Variants in SYCP2L observed in about 807,000 individuals in gnomAD.
SYCP2L encodes the protein synaptonemal complex protein 2 like, also known as synaptonemal complex protein 2-like.
SYCP2L carries 98 observed loss-of-function variants against 125.8 expected under a neutral mutation model. The observed-to-expected ratio is 0.78, with a 90% CI of 0.66 to 0.92. SYCP2L has a LOEUF of 0.92. Among genes scored for constraint, SYCP2L ranks in the 40% least tolerant of loss-of-function variants. The pLI, the probability that SYCP2L is intolerant of heterozygous loss-of-function variation, is 0.00. For synonymous variants in SYCP2L, 317 were observed against 325.4 expected (o/e 0.97, Z 0.28); for missense variants, 842 against 936.4 (o/e 0.90, Z 1.32).
At chr6:10,916,715 CGT>C (rs1296498961) in intron 14 of SYCP2L, among the ~76,000 whole-genome samples, 2 of 152,126 alleles carry the variant, frequency 1.3e-5, no homozygotes, top group African/African-American at 4.8e-5. Context: ...CTAGCCGAGG[CGT>C]GGTGGCTCAC....
In SYCP2L at chr6:10,904,147, C is replaced by T. The variant is rs150841683; in HGVS notation, c.641+1184C>T. Reference sequence around the variant, plus strand: ...CTAAAGAGGAAGTGCCCCAAGGTTTCCAGTAGCTACACTAATGGGGCATGG... The same window carrying T: ...CTAAAGAGGAAGTGCCCCAAGGTTTTCAGTAGCTACACTAATGGGGCATGG... On this transcript the variant is annotated intron_variant, in intron 8 of 29. Coordinates refer to ENST00000283141, the MANE Select transcript of SYCP2L (RefSeq NM_001040274.3). Among the ~76,000 whole-genome samples, 31 of 152,310 alleles carry T rather than the reference C, an allele frequency of 2.0e-4. No individual in the cohort carries two copies. The East Asian group carries it at 6.0e-3, about 29-fold the overall frequency.
chr6:10,963,961 ATT>A (rs149829365), intron 29 of SYCP2L, 118 bp downstream of exon 29: 25,381 of 467,428 alleles, frequency 0.054, 210 homozygotes, highest in East Asian at 0.18. Flanking sequence ...GAACTTCTCC[ATT>A]TTTTTTTTTT....
chr6:10,926,936 T>A (rs567831854), intron 16 of SYCP2L, among the ~76,000 whole-genome samples: 7 of 152,276 alleles, frequency 4.6e-5, no homozygotes, highest in Non-Finnish European at 1.0e-4. Flanking sequence ...TGTGCCACCA[T>A]GCCCAGCTAA....
At chr6:10,965,178 G>A (rs1156701975) in intron 29 of SYCP2L, among the ~76,000 whole-genome samples, 1 of 152,174 alleles carries the variant, frequency 6.6e-6, no homozygotes. Context: ...AAGACTGGAT[G>A]AGGAGAGTCC....
chr6:10,929,433 C>T (rs1408713227), intron 18 of SYCP2L, among the ~76,000 whole-genome samples: 1 of 151,938 alleles, frequency 6.6e-6, no homozygotes, highest in African/African-American at 2.4e-5. Flanking sequence ...ACAAACAGAA[C>T]TCAAAAAAAC....
In SYCP2L at chr6:10,974,251, G is replaced by A. The variant is rs1781821653; in HGVS notation, c.*337G>A. 6.7e-6 allele frequency: 1 copy of A among 149,528 alleles called. No individual in the cohort carries two copies. Among genetic ancestry groups the A allele is most frequent in the African/African-American group, 2.4e-5 (1 of 41,108 alleles). The allele number at this position is 149,528 out of a possible 1,614,324, so 9.3% of individuals were successfully genotyped here. The stretch of plus-strand genomic sequence containing the variant: ...ATAAAAGTAAAATGGACTTTTTTTT[G>A]TTTGAGAAATGTCTTCAAGTTTTGT... On this transcript the variant is annotated 3_prime_UTR_variant, in exon 30 of 30. Transcript: ENST00000283141.
At chr6:10,931,579 C>A (rs2113358162) in intron 20 of SYCP2L, 90 bp downstream of exon 20, 19 of 1,299,642 alleles carry the variant, frequency 1.5e-5, no homozygotes, top group Non-Finnish European at 1.9e-5. Context: ...ATAAAAATAA[C>A]AAAATATTGG....
chr6:10,933,580 C>G (rs2327323), intron 20 of SYCP2L, among the ~76,000 whole-genome samples: 27,525 of 152,182 alleles, frequency 0.18, 2,649 homozygotes, highest in Non-Finnish European at 0.22. Context: ...CACTTCGAGA[C>G]CACACTTCGA....
Position 10,920,404 on chromosome 6 carries a change from A to G in SYCP2L, c.1073-4092A>G, listed in dbSNP as rs185397852. On this transcript the variant is annotated intron_variant, in intron 14 of 29. Coordinates refer to ENST00000283141, the MANE Select transcript of SYCP2L (RefSeq NM_001040274.3). ...AGCTAATTTTTGTATTTTAGTAGAG[A>G]TGGGGTTTTGCCATGTTGGCCAGGC... Among the ~76,000 whole-genome samples the G allele has an allele frequency of 2.9e-3, 438 of 152,096 alleles. 4 individuals carry two copies. The highest frequency in any genetic ancestry group is 9.8e-3 in the African/African-American group (406 of 41,484).
At chr6:10,916,420 T>C (rs1581824796) in intron 14 of SYCP2L, among the ~76,000 whole-genome samples, 1 of 152,204 alleles carries the variant, frequency 6.6e-6, no homozygotes. Context: ...GATTGTCTGT[T>C]TGTGCTCTTT....
chr6:10,973,416 C>T (rs537773139), intron 29 of SYCP2L, among the ~76,000 whole-genome samples: 28 of 152,300 alleles, frequency 1.8e-4, no homozygotes, highest in African/African-American at 6.7e-4. Flanking sequence ...GCCTGTAATT[C>T]CAGCTACTCA....
intron 29 of SYCP2L, among the ~76,000 whole-genome samples, chr6:10,971,696 T>TG (rs1781777761): frequency 6.6e-6 from 1 of 151,792 alleles, no homozygotes; most frequent in Admixed American, 6.6e-5. Flanking sequence ...TTGTTTTTGT[T>TG]TTTTTGAGAA....
intron 20 of SYCP2L, among the ~76,000 whole-genome samples, chr6:10,932,208 C>T (rs79332736): frequency 0.022 from 3,334 of 152,104 alleles, 161 homozygotes; most frequent in East Asian, 0.22. Flanking sequence ...AGGATACCTT[C>T]GGGCTTATAT....
At chr6:10,890,860 G>A (rs1419880123) in intron 1 of SYCP2L, among the ~76,000 whole-genome samples, 1 of 152,140 alleles carries the variant, frequency 6.6e-6, no homozygotes, top group Non-Finnish European at 1.5e-5. Context: ...TTTTGTATAT[G>A]GTGAGACATG....
intron 23 of SYCP2L, among the ~76,000 whole-genome samples, chr6:10,945,149 A>G (rs1781287690): frequency 6.6e-6 from 1 of 152,240 alleles, no homozygotes; most frequent in African/African-American, 2.4e-5. Context: ...GTGACTAGAG[A>G]ACATAGTCTG....
chr6:10,907,462 C>A, intron 9 of SYCP2L, 80 bp from the exon 10 acceptor site: 1 of 1,358,984 alleles, frequency 7.4e-7, no homozygotes, highest in South Asian at 1.6e-5. Context: ...TTTCTTAGAG[C>A]AAGTGCTAAA....
At position 10,924,567 on chromosome 6, in the gene SYCP2L, A is replaced by C; in HGVS notation, c.1144A>C (p.Lys382Gln). Residue 382 changes from lysine (K) to glutamine (Q), a missense_variant, in exon 15 of 30, where the codon AAA (lysine) becomes CAA (glutamine). Coordinates refer to ENST00000283141, the MANE Select transcript of SYCP2L (RefSeq NM_001040274.3). ...GATTATCAGCTACAAAGAAGTCATG[A>C]AAATAGAAATCCATTTTGATTTGCA... is the stretch of plus-strand genomic sequence containing the variant. ...PMIISYKEVMKIEIHFDLQFN... is the reference protein window; with the variant it reads ...PMIISYKEVMQIEIHFDLQFN... The C allele has an allele frequency of 2.5e-6, 4 of 1,606,430 alleles. No individual in the cohort carries two copies. Among genetic ancestry groups the C allele is most frequent in the Non-Finnish European group, 3.4e-6 (4 of 1,177,996 alleles).
chr6:10,915,676 T>C (rs577230088), intron 14 of SYCP2L, among the ~76,000 whole-genome samples: 1 of 152,344 alleles, frequency 6.6e-6, no homozygotes, highest in East Asian at 1.9e-4. Flanking sequence ...GAAACCCACC[T>C]GATGATGGTG....
At chr6:10,890,020 A>G (rs926062297) in intron 1 of SYCP2L, among the ~76,000 whole-genome samples, 2 of 152,218 alleles carry the variant, frequency 1.3e-5, no homozygotes, top group African/African-American at 4.8e-5. Context: ...AGGCTCATGC[A>G]TGTTACCATG....
Sources: allele counts gnomAD v4.1 joint callset (sites outside exome capture counted in the v4.1 genomes callset), GRCh38; gene constraint gnomAD v4.1.1; transcripts MANE v1.5; gene names NCBI Gene and HGNC (gene_info 2026-07-23, HGNC 2026-07-21).